The following ATL1 variants were observed in gnomAD, a reference collection of about 807,000 sequenced individuals.
The protein encoded by ATL1 is atlastin GTPase 1, also known as atlastin-1.
ATL1 carries 31 observed loss-of-function variants against 75.5 expected under a neutral mutation model. The observed-to-expected ratio is 0.41, with a 90% CI of 0.31 to 0.55. ATL1 has a LOEUF of 0.55. Ranked by LOEUF, ATL1 falls within the 20% of genes least tolerant of loss-of-function variation. The probability of loss-of-function intolerance (pLI) is 0.27; values close to 1 mark genes in which losing one functional copy is unlikely to be tolerated. For missense variants in ATL1, 405 were observed against 662.6 expected, an observed-to-expected ratio of 0.61 and a Z score of 4.27; for synonymous variants, 226 against 233.3, an observed-to-expected ratio of 0.97 and a Z score of 0.28.
At chr14:50,560,426 T>C (rs1180202723) in intron 1 of ATL1, 127 bp downstream of exon 1, 3 of 1,253,976 alleles carry the variant, frequency 2.4e-6, no homozygotes, top group Non-Finnish European at 2.3e-6. Flanking sequence ...AGACGGGCCG[T>C]AGCCGAGCCG....
At chr14:50,579,584 A>G (rs960410434) in intron 1 of ATL1, among the ~76,000 whole-genome samples, 3 of 152,204 alleles carry the variant, frequency 2.0e-5, no homozygotes, top group East Asian at 1.9e-4. Context: ...TAATCAATCT[A>G]TTGATCAATG....
intron 1 of ATL1, among the ~76,000 whole-genome samples, chr14:50,548,891 C>A (rs2038667412): frequency 1.3e-5 from 2 of 152,118 alleles, no homozygotes; most frequent in Admixed American, 1.3e-4. Context: ...GGCATTGCAA[C>A]AAGCAGAGGC....
chr14:50,610,762 C>CTA (rs2140223754), intron 6 of ATL1, among the ~76,000 whole-genome samples: 1 of 152,236 alleles, frequency 6.6e-6, no homozygotes, highest in South Asian at 2.1e-4. Flanking sequence ...GTTAAGGATA[C>CTA]TATAATGATC....
chr14:50,574,895 G>T (rs1434326922), intron 1 of ATL1, among the ~76,000 whole-genome samples: 2 of 101,162 alleles, frequency 2.0e-5, no homozygotes, highest in African/African-American at 3.8e-5. Flanking sequence ...GTTTTTCATT[G>T]TTTTCAATAC....
intron 1 of ATL1, among the ~76,000 whole-genome samples, chr14:50,546,870 G>A (rs1219840438): frequency 6.6e-6 from 1 of 151,986 alleles, no homozygotes; most frequent in African/African-American, 2.4e-5. Flanking sequence ...TAAGTTCTGG[G>A]GTACATGTGC....
intron 6 of ATL1, among the ~76,000 whole-genome samples, chr14:50,608,354 A>G (rs1238486997): frequency 2.0e-5 from 3 of 152,096 alleles, no homozygotes; most frequent in Non-Finnish European, 4.4e-5. Flanking sequence ...CCCATTCATG[A>G]GAACCAATTA....
chr14:50,610,262 G>C (rs2039353179), intron 6 of ATL1, among the ~76,000 whole-genome samples: 1 of 151,986 alleles, frequency 6.6e-6, no homozygotes. Context: ...AAAATACTTA[G>C]TAAAGTTATT....
In ATL1 at chr14:50,554,383, G is replaced by A. The variant is rs113145636; in HGVS notation, c.-139-5744G>A. 5.3e-5 allele frequency among the ~76,000 whole-genome samples: 8 copies of A among 152,236 alleles called. 1 individual carries two copies. The highest frequency in any genetic ancestry group is 4.1e-4 in the South Asian group (2 of 4,822). ...TGTATACTGTAGATGTGGCTTGTAC[G>A]CACAAGCCATGGCTATACTTTATAG... On this transcript the variant is annotated intron_variant, in intron 1 of 13. Transcript: ENST00000441560.
At chr14:50,594,391 C>T (rs541679686) in intron 5 of ATL1, among the ~76,000 whole-genome samples, 29 of 152,170 alleles carry the variant, frequency 1.9e-4, no homozygotes, top group African/African-American at 6.7e-4. Context: ...GGACACAAAG[C>T]CTAACCATAT....
At chr14:50,583,139 A>G (rs538426415) in intron 1 of ATL1, among the ~76,000 whole-genome samples, 1 of 152,332 alleles carries the variant, frequency 6.6e-6, no homozygotes, top group South Asian at 2.1e-4. Flanking sequence ...TATTGGAGAC[A>G]TTCCCTTTAA....
intron 6 of ATL1, among the ~76,000 whole-genome samples, chr14:50,598,746 T>C (rs1322818287): frequency 6.6e-6 from 1 of 152,214 alleles, no homozygotes. Flanking sequence ...GGTGAGGTCC[T>C]ACACAGATAC....
At chr14:50,570,178 T>C (rs1268696897) in intron 1 of ATL1, among the ~76,000 whole-genome samples, 2 of 152,208 alleles carry the variant, frequency 1.3e-5, no homozygotes, top group African/African-American at 4.8e-5. Context: ...ACAATGTGTA[T>C]GTTGGTTCAT....
intron 1 of ATL1, among the ~76,000 whole-genome samples, chr14:50,554,018 G>A (rs1258631002): frequency 1.3e-5 from 2 of 152,036 alleles, no homozygotes; most frequent in Non-Finnish European, 2.9e-5. Flanking sequence ...TCCAGTGACA[G>A]GTGCAGCAGA....
chr14:50,625,648 T>C (rs888666378), intron 11 of ATL1, among the ~76,000 whole-genome samples: 17 of 152,124 alleles, frequency 1.1e-4, no homozygotes, highest in Non-Finnish European at 2.1e-4. Context: ...CCGGGCACGA[T>C]GGCTCACACC....
At chr14:50,581,608 CA>C (rs1216357822) in intron 1 of ATL1, among the ~76,000 whole-genome samples, 1 of 152,046 alleles carries the variant, frequency 6.6e-6, no homozygotes, top group Non-Finnish European at 1.5e-5. Flanking sequence ...GCTTAATTTC[CA>C]AACATTTAGA....
intron 1 of ATL1, among the ~76,000 whole-genome samples, chr14:50,575,975 A>T (rs2039002222): frequency 6.6e-6 from 1 of 152,206 alleles, no homozygotes; most frequent in African/African-American, 2.4e-5. Context: ...GACCAAGTGT[A>T]TAAAAAGGTG....
At chr14:50,624,279 C>T (rs1339345592) in intron 11 of ATL1, among the ~76,000 whole-genome samples, 1 of 152,056 alleles carries the variant, frequency 6.6e-6, no homozygotes, top group Non-Finnish European at 1.5e-5. Flanking sequence ...TGAAGCAAGT[C>T]TATTGACGCC....
At chr14:50,630,321 A>G (rs2039567930) in intron 13 of ATL1, among the ~76,000 whole-genome samples, 1 of 152,246 alleles carries the variant, frequency 6.6e-6, no homozygotes, top group Non-Finnish European at 1.5e-5. Context: ...GCTGTACTGC[A>G]GAGTAAAGCA....
At chr14:50,587,764 G>A (rs1566722832) in intron 1 of ATL1, 67 bp from the exon 2 acceptor site, 1 of 1,601,602 alleles carries the variant, frequency 6.2e-7, no homozygotes. Flanking sequence ...TGAGAGTTAA[G>A]AGGTACATAT....
Sources: allele counts gnomAD v4.1 joint callset (sites outside exome capture counted in the v4.1 genomes callset), GRCh38; gene constraint gnomAD v4.1.1; transcripts MANE v1.5; gene names NCBI Gene and HGNC (gene_info 2026-07-23, HGNC 2026-07-21).